CCDC178: variants seen among roughly 807,000 people sequenced by gnomAD.
CCDC178 encodes the protein coiled-coil domain containing 178, also known as coiled-coil domain-containing protein 178.
A neutral mutation model predicts 117.4 loss-of-function variants in CCDC178; 126 were observed. That is an observed-to-expected ratio of 1.07 (90% CI 0.93 to 1.24). CCDC178 has a LOEUF of 1.24. CCDC178 is among the 50% of genes most tolerant of loss of function. CCDC178 has a pLI of 0.00. For missense variants in CCDC178, 1,030 were observed against 986.9 expected (o/e 1.04, Z -0.59); for synonymous variants, 283 against 313.4 (o/e 0.90, Z 1.02).
chr18:33,058,434 G>A (rs1403565500), intron 21 of CCDC178, among the ~76,000 whole-genome samples: 3 of 152,312 alleles, frequency 2.0e-5, no homozygotes, highest in South Asian at 4.1e-4. Flanking sequence ...AATGGCCATA[G>A]TCAATAAATG....
At chr18:33,198,785 G>A (rs1163749463) in intron 20 of CCDC178, among the ~76,000 whole-genome samples, 4 of 152,174 alleles carry the variant, frequency 2.6e-5, no homozygotes, top group Admixed American at 6.6e-5. Flanking sequence ...AAACTTTTCT[G>A]ATAAAAGAAA....
chr18:33,086,076 T>C (rs1055800510), intron 21 of CCDC178, among the ~76,000 whole-genome samples: 19 of 151,964 alleles, frequency 1.3e-4, no homozygotes, highest in African/African-American at 4.6e-4. Context: ...AAAATATACC[T>C]ATCATAAAAG....
intron 21 of CCDC178, among the ~76,000 whole-genome samples, chr18:33,047,903 G>C (rs1413660289): frequency 6.6e-6 from 1 of 152,128 alleles, no homozygotes; most frequent in Non-Finnish European, 1.5e-5. Flanking sequence ...AGATCAACTT[G>C]GAAGGTCAAA....
chr18:33,218,904 CT>C (rs1434203750), intron 18 of CCDC178, among the ~76,000 whole-genome samples: 2 of 152,078 alleles, frequency 1.3e-5, no homozygotes, highest in African/African-American at 4.8e-5. Flanking sequence ...TAGCTTTGCT[CT>C]TTTGGCTTAG....
At chr18:33,415,524 G>A (rs904825688) in intron 2 of CCDC178, among the ~76,000 whole-genome samples, 8 of 151,352 alleles carry the variant, frequency 5.3e-5, no homozygotes, top group African/African-American at 1.9e-4. Context: ...ACACAGGAAG[G>A]GGGACATCAC....
At chr18:33,291,616 T>A (rs2060166659) in intron 12 of CCDC178, among the ~76,000 whole-genome samples, 1 of 152,204 alleles carries the variant, frequency 6.6e-6, no homozygotes, top group Admixed American at 6.5e-5. Context: ...TTATTTTATC[T>A]ATTATGTTCT....
At chr18:33,316,241 C>T (rs1345636008) in intron 11 of CCDC178, among the ~76,000 whole-genome samples, 2 of 152,134 alleles carry the variant, frequency 1.3e-5, no homozygotes, top group African/African-American at 2.4e-5. Context: ...GAGGCGCCGG[C>T]GGGAACCGGG....
At chr18:33,272,447 T>A (rs761480827) in intron 12 of CCDC178, among the ~76,000 whole-genome samples, 3 of 151,586 alleles carry the variant, frequency 2.0e-5, no homozygotes, top group Non-Finnish European at 4.4e-5. Flanking sequence ...CCAAATTGCT[T>A]TACTGGTGAA....
At chr18:33,016,046 T>C (rs1301907331) in intron 21 of CCDC178, among the ~76,000 whole-genome samples, 2 of 152,134 alleles carry the variant, frequency 1.3e-5, no homozygotes, top group Admixed American at 1.3e-4. Context: ...AATCTACACA[T>C]TCAAGAAGTT....
rs544135435 is a variant in CCDC178 at position 33,089,450 on chromosome 18, G to T, written c.2388+3311C>A. ...CCAGGATTATTGAGAGACACTAAAA[G>T]ATAACATTTGCAAACAATATAGCAC... On this transcript the variant is annotated intron_variant, in intron 21 of 22. Transcript: ENST00000383096. Among the ~76,000 whole-genome samples, 26 of 152,124 alleles carry T rather than the reference G, an allele frequency of 1.7e-4. No individual in the cohort carries two copies. In the South Asian group the frequency reaches 5.2e-3, roughly 30 times the overall value.
rs77030265 is a variant in CCDC178, at chr18:33,310,763, T to C, written c.1022+12728A>G. 8.8e-3 allele frequency among the ~76,000 whole-genome samples: 1,338 copies of C among 152,364 alleles called. 46 individuals are homozygous for C. The South Asian group carries it at 0.09, about 10-fold the overall frequency. On this transcript the variant is annotated intron_variant, in intron 11 of 22. Coordinates refer to ENST00000383096, the MANE Select transcript of CCDC178 (RefSeq NM_001105528.4). ...ATATTTTCTTAAGGTATTATTTTAC[T>C]GTCAATGAAATTACAAGACATTTTT...
chr18:33,025,468 A>G (rs747254562), intron 21 of CCDC178, among the ~76,000 whole-genome samples: 1 of 152,176 alleles, frequency 6.6e-6, no homozygotes, highest in East Asian at 1.9e-4. Flanking sequence ...AGAGCTACAG[A>G]ATGAGAGAAA....
At chr18:33,357,523 T>C (rs2063072981) in intron 6 of CCDC178, among the ~76,000 whole-genome samples, 2 of 152,162 alleles carry the variant, frequency 1.3e-5, no homozygotes, top group South Asian at 4.1e-4. Context: ...ATCTATTGAA[T>C]TGTAATGTGT....
At chr18:33,215,968 C>G (rs2059161003) in intron 18 of CCDC178, among the ~76,000 whole-genome samples, 1 of 151,876 alleles carries the variant, frequency 6.6e-6, no homozygotes, top group African/African-American at 2.4e-5. Flanking sequence ...TGCAGTGTTT[C>G]ACACCTGTAG....
chr18:33,282,263 G>A (rs2060034738), intron 12 of CCDC178, among the ~76,000 whole-genome samples: 2 of 152,186 alleles, frequency 1.3e-5, no homozygotes, highest in South Asian at 2.1e-4. Context: ...GAGCCTCCTC[G>A]AGAAGTGGTA....
intron 21 of CCDC178, among the ~76,000 whole-genome samples, chr18:33,075,517 T>C (rs923104776): frequency 3.9e-5 from 6 of 152,318 alleles, no homozygotes; most frequent in African/African-American, 1.4e-4. Context: ...CAAAACATTT[T>C]ATGTATCTAT....
At chr18:33,194,918 A>AAAG (rs1555659378) in intron 20 of CCDC178, among the ~76,000 whole-genome samples, 1 of 144,260 alleles carries the variant, frequency 6.9e-6, no homozygotes, top group African/African-American at 2.7e-5. Flanking sequence ...AAAAAAAAAA[A>AAAG]AGAGAGAGAG....
At chr18:33,326,085 G>A (rs2145020541) in intron 10 of CCDC178, among the ~76,000 whole-genome samples, 1 of 152,324 alleles carries the variant, frequency 6.6e-6, no homozygotes, top group East Asian at 1.9e-4. Flanking sequence ...TTCTGTTACA[G>A]CTCCAAAGGA....
At chr18:33,052,530 G>A (rs1034893626) in intron 21 of CCDC178, among the ~76,000 whole-genome samples, 3 of 152,054 alleles carry the variant, frequency 2.0e-5, no homozygotes, top group Admixed American at 6.6e-5. Context: ...CAAAAGAGCC[G>A]CATTTAGAGT....
Sources: allele counts gnomAD v4.1 joint callset (sites outside exome capture counted in the v4.1 genomes callset), GRCh38; gene constraint gnomAD v4.1.1; transcripts MANE v1.5; gene names NCBI Gene and HGNC (gene_info 2026-07-23, HGNC 2026-07-21).